The following DCC variants were observed in gnomAD, a reference collection of about 807,000 sequenced individuals.
The protein encoded by DCC is netrin receptor DCC.
A neutral mutation model predicts 172.5 loss-of-function variants in DCC; 58 were observed. That is an observed-to-expected ratio of 0.34 (90% CI 0.27 to 0.42). The LOEUF is 0.42. Among genes scored for constraint, DCC ranks in the 10% least tolerant of loss-of-function variants. The pLI, the probability that DCC is intolerant of heterozygous loss-of-function variation, is 1.00. For synonymous variants in DCC, 709 were observed against 644.5 expected (o/e 1.10, Z -1.52); for missense variants, 1,740 against 1,791.0 (o/e 0.97, Z 0.51).
chr18:53,346,962 C>T (rs1382701187), intron 15 of DCC, among the ~76,000 whole-genome samples: 1 of 152,148 alleles, frequency 6.6e-6, no homozygotes, highest in Non-Finnish European at 1.5e-5. Context: ...ATTGTGAGAT[C>T]TATCTTGCTT....
chr18:52,902,377 A>T (rs995047192), intron 2 of DCC, among the ~76,000 whole-genome samples: 1 of 152,162 alleles, frequency 6.6e-6, no homozygotes, highest in African/African-American at 2.4e-5. Context: ...GAGAGATAGG[A>T]AGACCATTGC....
intron 21 of DCC, among the ~76,000 whole-genome samples, chr18:53,423,645 T>C (rs1910754748): frequency 2.0e-5 from 3 of 152,210 alleles, no homozygotes; most frequent in Admixed American, 2.0e-4. Context: ...ACCTTTCTTG[T>C]CTTTTATTCA....
At chr18:53,032,529 C>A (rs990585991) in intron 5 of DCC, among the ~76,000 whole-genome samples, 15 of 152,090 alleles carry the variant, frequency 9.9e-5, no homozygotes, top group Admixed American at 5.2e-4. Flanking sequence ...TGTAAAAATT[C>A]TTTTAGGATT....
At chr18:53,083,132 G>A (rs1392394339) in intron 7 of DCC, among the ~76,000 whole-genome samples, 2 of 151,938 alleles carry the variant, frequency 1.3e-5, no homozygotes, top group Non-Finnish European at 2.9e-5. Context: ...TCTGCTATCT[G>A]TTTCAATACA....
At chr18:52,806,825 A>T (rs2038094892) in intron 2 of DCC, among the ~76,000 whole-genome samples, 1 of 152,188 alleles carries the variant, frequency 6.6e-6, no homozygotes, top group South Asian at 2.1e-4. Flanking sequence ...GTGAGCCACC[A>T]TCTTGGATCC....
At chr18:53,403,297 G>T (rs199801061) in intron 19 of DCC, among the ~76,000 whole-genome samples, 1 of 53,858 alleles carries the variant, frequency 1.9e-5, no homozygotes, top group African/African-American at 4.0e-5. Context: ...CTGTGTTTGT[G>T]TGTGTTTGTG....
At chr18:53,461,524 T>C (rs961059560) in intron 24 of DCC, among the ~76,000 whole-genome samples, 3 of 152,188 alleles carry the variant, frequency 2.0e-5, no homozygotes, top group African/African-American at 7.2e-5. Context: ...CCCAGCACCA[T>C]TTATTAAATA....
intron 27 of DCC, among the ~76,000 whole-genome samples, chr18:53,516,250 T>G (rs374639883): frequency 6.6e-6 from 1 of 150,436 alleles, no homozygotes; most frequent in African/African-American, 2.5e-5. Flanking sequence ...TAGCCATATG[T>G]AGAAAGCTGA....
At chr18:53,240,552 T>C (rs1173255535) in intron 12 of DCC, among the ~76,000 whole-genome samples, 1 of 152,120 alleles carries the variant, frequency 6.6e-6, no homozygotes, top group Non-Finnish European at 1.5e-5. Flanking sequence ...GCATAAAAGG[T>C]CTTGGTGTCA....
intron 7 of DCC, among the ~76,000 whole-genome samples, chr18:53,086,250 TTTCTTC>T (rs374453969): frequency 1.4e-4 from 7 of 50,692 alleles, no homozygotes; most frequent in South Asian, 8.3e-4. Flanking sequence ...TTCTTCTTCC[TTTCTTC>T]TTCTTCTTCT....
At chr18:53,454,790 A>C (rs897573667) in intron 23 of DCC, among the ~76,000 whole-genome samples, 1 of 152,172 alleles carries the variant, frequency 6.6e-6, no homozygotes. Context: ...ATTATAGGTC[A>C]CTTTTACTGA....
intron 3 of DCC, among the ~76,000 whole-genome samples, chr18:52,908,652 C>G (rs2039925282): frequency 6.6e-6 from 1 of 152,068 alleles, no homozygotes. Context: ...CCCCATTTAC[C>G]TTTGTTTCTT....
chr18:53,487,782 T>G (rs1663116034), intron 26 of DCC, among the ~76,000 whole-genome samples: 1 of 152,146 alleles, frequency 6.6e-6, no homozygotes, highest in African/African-American at 2.4e-5. Context: ...AAGGGAGAAT[T>G]AGATTTATTT....
intron 1 of DCC, among the ~76,000 whole-genome samples, chr18:52,493,856 T>A (rs540572993): frequency 1.3e-5 from 2 of 152,230 alleles, no homozygotes; most frequent in African/African-American, 4.8e-5. Flanking sequence ...TGATATGTGT[T>A]ATGTACTTTA....
At chr18:53,404,181 T>G (rs1909501306) in intron 19 of DCC, among the ~76,000 whole-genome samples, 1 of 152,124 alleles carries the variant, frequency 6.6e-6, no homozygotes. Flanking sequence ...ATTTATAAGC[T>G]TATGGGAAAT....
intron 7 of DCC, among the ~76,000 whole-genome samples, chr18:53,077,863 A>C (rs2042743975): frequency 6.6e-6 from 1 of 152,194 alleles, no homozygotes; most frequent in Admixed American, 6.6e-5. Context: ...AAGGTTAAAC[A>C]CTGGAAATTA....
intron 1 of DCC, among the ~76,000 whole-genome samples, chr18:52,674,189 T>A (rs12956767): frequency 0.011 from 1,688 of 152,298 alleles, 9 homozygotes; most frequent in Non-Finnish European, 0.018. Flanking sequence ...TATAAGGTTA[T>A]TGGCTTGCAC....
intron 2 of DCC, among the ~76,000 whole-genome samples, chr18:52,864,890 G>A (rs1284628139): frequency 6.6e-6 from 1 of 151,614 alleles, no homozygotes; most frequent in Non-Finnish European, 1.5e-5. Flanking sequence ...TATTGAGACG[G>A]AGTCTCACTC....
intron 8 of DCC, among the ~76,000 whole-genome samples, chr18:53,169,259 T>C (rs1192011957): frequency 6.6e-6 from 1 of 152,212 alleles, no homozygotes; most frequent in Non-Finnish European, 1.5e-5. Flanking sequence ...AACATTTATT[T>C]TCCAAGACAC....
Sources: allele counts gnomAD v4.1 joint callset (sites outside exome capture counted in the v4.1 genomes callset), GRCh38; gene constraint gnomAD v4.1.1; transcripts MANE v1.5; gene names NCBI Gene and HGNC (gene_info 2026-07-23, HGNC 2026-07-21).